VWC2L: variants seen among roughly 807,000 people sequenced by gnomAD.
VWC2L encodes von Willebrand factor C domain containing 2 like.
VWC2L carries 10 observed loss-of-function variants against 21.6 expected under a neutral mutation model. That is an observed-to-expected ratio of 0.46 (90% confidence interval 0.29 to 0.78). The LOEUF is 0.78. VWC2L is among the 30% of genes least tolerant of loss of function. VWC2L has a pLI of 0.10. For missense variants in VWC2L, 209 were observed against 277.1 expected, an observed-to-expected ratio of 0.75 and a Z score of 1.74; for synonymous variants, 96 against 94.3, an observed-to-expected ratio of 1.02 and a Z score of -0.10.
intron 3 of VWC2L, among the ~76,000 whole-genome samples, chr2:214,467,501 T>C (rs1703234614): frequency 6.6e-6 from 1 of 152,226 alleles, no homozygotes; most frequent in African/African-American, 2.4e-5. Context: ...GCTCCATTTA[T>C]TAGTTACCCA....
At chr2:214,516,253 C>T (rs1337205756) in intron 3 of VWC2L, among the ~76,000 whole-genome samples, 2 of 151,268 alleles carry the variant, frequency 1.3e-5, no homozygotes, top group East Asian at 3.9e-4. Context: ...CTCGGTGTAT[C>T]GCCCCAGGAG....
intron 3 of VWC2L, among the ~76,000 whole-genome samples, chr2:214,527,606 A>G (rs1689363627): frequency 6.6e-6 from 1 of 152,036 alleles, no homozygotes; most frequent in Admixed American, 6.6e-5. Context: ...TACCTGGAAT[A>G]TCTGTCCCTC....
intron 3 of VWC2L, among the ~76,000 whole-genome samples, chr2:214,527,049 A>G (rs2105914151): frequency 6.6e-6 from 1 of 152,178 alleles, no homozygotes; most frequent in East Asian, 1.9e-4. Flanking sequence ...CGTATACACC[A>G]TAGAATACTA....
chr2:214,542,885 G>T (rs1214322660), intron 3 of VWC2L, among the ~76,000 whole-genome samples: 2 of 152,064 alleles, frequency 1.3e-5, no homozygotes, highest in Non-Finnish European at 2.9e-5. Flanking sequence ...CCAAATTAGG[G>T]TTCATTCATT....
At position 214,567,585 on chromosome 2, in the gene VWC2L, CACACACACACAG is replaced by C. The variant is rs1320671696; in HGVS notation, c.521-8085_521-8074del. On this transcript the variant is annotated intron_variant, in intron 3 of 3. Coordinates refer to ENST00000312504, the MANE Select transcript of VWC2L (RefSeq NM_001080500.4). ...ACACACACACACACACACACACACA[CACACACACACAG>C]AGAGAGAGAGAGAGAGAGATAATTA... Among the ~76,000 whole-genome samples, 141 of 111,598 alleles carry C rather than the reference CACACACACACAG, an allele frequency of 1.3e-3. 2 individuals are homozygous for C. The highest frequency in any genetic ancestry group is 3.6e-3 in the South Asian group (12 of 3,288). 73.2% of individuals were successfully genotyped at this position (111,598 alleles called of 152,430 possible). A position where few individuals can be genotyped will look rare whatever the true frequency, so the allele number is the denominator to read the frequency against.
chr2:214,507,773 T>A (rs777593499), intron 3 of VWC2L, among the ~76,000 whole-genome samples: 1 of 152,238 alleles, frequency 6.6e-6, no homozygotes, highest in South Asian at 2.1e-4. Flanking sequence ...GAGACAGTCA[T>A]GAGCCTCAAG....
Position 214,564,508 on chromosome 2 carries a change from G to A in VWC2L, c.521-11164G>A, listed in dbSNP as rs185511060. Among the ~76,000 whole-genome samples, 350 of 148,204 alleles carry A rather than the reference G, an allele frequency of 2.4e-3. 2 individuals are homozygous for A. The highest frequency in any genetic ancestry group is 7.4e-3 in the African/African-American group (304 of 41,120). ...ATTTCCAGCACATCTCAGGTTAGACGGGCCACATTTCAAATTCTCCACAGC... is the reference window on the plus strand; with the variant it reads ...ATTTCCAGCACATCTCAGGTTAGACAGGCCACATTTCAAATTCTCCACAGC... On this transcript the variant is annotated intron_variant, in intron 3 of 3. Coordinates refer to ENST00000312504, the MANE Select transcript of VWC2L (RefSeq NM_001080500.4).
At chr2:214,461,409 T>G (rs1443402740) in intron 3 of VWC2L, among the ~76,000 whole-genome samples, 1 of 152,100 alleles carries the variant, frequency 6.6e-6, no homozygotes, top group Non-Finnish European at 1.5e-5. Flanking sequence ...GGTGATGAGC[T>G]GGGTAGGCCA....
At chr2:214,438,685 C>T (rs1702717902) in intron 3 of VWC2L, among the ~76,000 whole-genome samples, 1 of 152,048 alleles carries the variant, frequency 6.6e-6, no homozygotes, top group Non-Finnish European at 1.5e-5. Context: ...AAATCAGCCA[C>T]TACAAACTAG....
chr2:214,428,696 CTTG>C (rs922682260), intron 2 of VWC2L, among the ~76,000 whole-genome samples: 4 of 151,128 alleles, frequency 2.6e-5, no homozygotes, highest in African/African-American at 4.9e-5. Flanking sequence ...TGATAAAGCA[CTTG>C]TTATTATTAT....
chr2:214,515,395 G>A (rs1353512834), intron 3 of VWC2L, among the ~76,000 whole-genome samples: 1 of 152,120 alleles, frequency 6.6e-6, no homozygotes, highest in Non-Finnish European at 1.5e-5. Flanking sequence ...CCCTGTGGAG[G>A]AGAGGGCTGA....
At position 214,454,804 on chromosome 2, in the gene VWC2L, G is replaced by A. The variant is rs896107465; in HGVS notation, c.520+18046G>A. 2.6e-4 allele frequency among the ~76,000 whole-genome samples: 39 copies of A among 151,434 alleles called. 1 individual carries two copies. The highest frequency in any genetic ancestry group is 8.0e-4 in the African/African-American group (33 of 41,208). ...TTTTTAGTAGAGATGGAGTTTCACCGTGTTAGCCAGGATGGTCTTGATTTC... is the reference window on the plus strand; with the variant it reads ...TTTTTAGTAGAGATGGAGTTTCACCATGTTAGCCAGGATGGTCTTGATTTC... On this transcript the variant is annotated intron_variant, in intron 3 of 3. Coordinates refer to ENST00000312504, the MANE Select transcript of VWC2L (RefSeq NM_001080500.4).
rs1217437916 is a variant in VWC2L at position 214,513,068 on chromosome 2, G to C, written c.521-62604G>C. Among the ~76,000 whole-genome samples, 3 of 152,062 alleles carry C rather than the reference G, an allele frequency of 2.0e-5. No individual in the cohort carries two copies. The East Asian group carries it at 5.8e-4, about 29-fold the overall frequency. Reference sequence around the variant, plus strand: ...TGTTGAAAAAGGAAAGCTGCATCTTGGTCATCAGGCTCAGTTAAGTAAAAG... The same window carrying C: ...TGTTGAAAAAGGAAAGCTGCATCTTCGTCATCAGGCTCAGTTAAGTAAAAG... On this transcript the variant is annotated intron_variant, in intron 3 of 3. Transcript: ENST00000312504.
At chr2:214,440,018 A>C (rs1271711271) in intron 3 of VWC2L, among the ~76,000 whole-genome samples, 1 of 151,784 alleles carries the variant, frequency 6.6e-6, no homozygotes, top group East Asian at 1.9e-4. Flanking sequence ...TATTTCCAGG[A>C]ATTTAATTGT....
chr2:214,575,220 C>G (rs368882527), intron 3 of VWC2L, among the ~76,000 whole-genome samples: 1 of 151,988 alleles, frequency 6.6e-6, no homozygotes, highest in Non-Finnish European at 1.5e-5. Flanking sequence ...AACTGGGGAA[C>G]GAGCGAGTTT....
chr2:214,552,988 G>A (rs1689817994), intron 3 of VWC2L, among the ~76,000 whole-genome samples: 1 of 152,102 alleles, frequency 6.6e-6, no homozygotes, highest in Admixed American at 6.6e-5. Flanking sequence ...AGAAACATGG[G>A]CACCATCTTA....
At chr2:214,460,683 A>G (rs1432150477) in intron 3 of VWC2L, among the ~76,000 whole-genome samples, 1 of 151,492 alleles carries the variant, frequency 6.6e-6, no homozygotes, top group Non-Finnish European at 1.5e-5. Flanking sequence ...TGCTTTTCTG[A>G]TTTGTTTTGT....
chr2:214,525,230 A>C (rs945163644), intron 3 of VWC2L: 2 of 152,102 alleles, frequency 1.3e-5, no homozygotes, highest in African/African-American at 2.4e-5. Flanking sequence ...TTTTTTGAGA[A>C]TCAGAGGAAA....
At chr2:214,541,398 T>C (rs1483110090) in intron 3 of VWC2L, among the ~76,000 whole-genome samples, 3 of 152,318 alleles carry the variant, frequency 2.0e-5, no homozygotes, top group East Asian at 3.9e-4. Context: ...CCTAATCCCA[T>C]TGTCATTAGA....
Sources: gnomAD v4.1 joint callset for allele counts (sites outside exome capture counted in the v4.1 genomes callset) on GRCh38, gnomAD v4.1.1 for gene constraint, MANE v1.5 for transcripts, NCBI Gene and HGNC (gene_info 2026-07-23, HGNC 2026-07-21) for gene names.